The following DIP2B variants were observed in gnomAD, a reference collection of about 807,000 sequenced individuals.
DIP2B encodes the protein DIP2 acetate--CoA ligase B (putative).
DIP2B carries 76 observed loss-of-function variants against 198.0 expected under a neutral mutation model. The observed-to-expected ratio is 0.38, with a 90% CI of 0.32 to 0.46. DIP2B has a LOEUF of 0.46. Among genes scored for constraint, DIP2B ranks in the 20% least tolerant of loss-of-function variants. The pLI is 0.99. For synonymous variants in DIP2B, 701 were observed against 739.1 expected (o/e 0.95, Z 0.84); for missense variants, 1,559 against 1,978.4 (o/e 0.79, Z 4.02).
chr12:50,723,740 C>T (rs776176573), intron 27 of DIP2B, among the ~76,000 whole-genome samples: 7 of 151,146 alleles, frequency 4.6e-5, no homozygotes, highest in African/African-American at 1.7e-4. Context: ...CAGACCCTGT[C>T]GCCAAAAGAA....
intron 1 of DIP2B, among the ~76,000 whole-genome samples, chr12:50,520,728 A>G (rs779122260): frequency 3.3e-5 from 5 of 152,242 alleles, no homozygotes; most frequent in Non-Finnish European, 5.9e-5. Flanking sequence ...TTGCATAAAT[A>G]TTCTCATCTC....
chr12:50,731,428 T>C lies in DIP2B; in HGVS notation c.3701T>C (p.Phe1234Ser). Reference sequence around the variant, plus strand: ...CCTATGGAGTTAGAGAACAACCTTTTCCTCTGGCTCTCCACAGTCAACCAG... The same window carrying C: ...CCTATGGAGTTAGAGAACAACCTTTCCCTCTGGCTCTCCACAGTCAACCAG... ...IPPMELENNL[F>S]LWLSTVNQYK... The change falls in exon 31 of 38, where the codon TTC becomes TCC. Residue 1234 changes from phenylalanine to serine, a missense_variant. Coordinates refer to ENST00000301180, the MANE Select transcript of DIP2B (RefSeq NM_173602.3). The C allele has an allele frequency of 6.2e-7, 1 of 1,614,154 alleles. No individual in the cohort carries two copies. The highest frequency in any genetic ancestry group is 8.5e-7 in the Non-Finnish European group (1 of 1,180,018).
chr12:50,677,318 C>T (rs1321686152), intron 7 of DIP2B, among the ~76,000 whole-genome samples: 1 of 152,108 alleles, frequency 6.6e-6, no homozygotes, highest in Non-Finnish European at 1.5e-5. Context: ...ATTATCTTTC[C>T]TGCTATGAAA....
At chr12:50,557,513 C>T (rs1347491801) in intron 1 of DIP2B, among the ~76,000 whole-genome samples, 1 of 152,184 alleles carries the variant, frequency 6.6e-6, no homozygotes, top group African/African-American at 2.4e-5. Flanking sequence ...CACTAATGTT[C>T]TCACAACAGT....
At chr12:50,673,439 G>A (rs1412119120) in intron 5 of DIP2B, among the ~76,000 whole-genome samples, 4 of 152,134 alleles carry the variant, frequency 2.6e-5, no homozygotes, top group Admixed American at 6.5e-5. Flanking sequence ...TTGTCGTTAC[G>A]TGTCCCTGTT....
intron 2 of DIP2B, among the ~76,000 whole-genome samples, chr12:50,627,257 A>C (rs1937952983): frequency 6.6e-6 from 1 of 152,252 alleles, no homozygotes; most frequent in African/African-American, 2.4e-5. Flanking sequence ...AACTGTAAAA[A>C]GGACCACAGT....
chr12:50,614,965 C>T (rs1413617086), intron 1 of DIP2B, among the ~76,000 whole-genome samples: 2 of 152,092 alleles, frequency 1.3e-5, no homozygotes, highest in African/African-American at 4.8e-5. Flanking sequence ...TTTTTTGCGC[C>T]TGCCAAAGGA....
intron 1 of DIP2B, among the ~76,000 whole-genome samples, chr12:50,522,868 A>G (rs1034864815): frequency 6.6e-6 from 1 of 152,194 alleles, no homozygotes; most frequent in Non-Finnish European, 1.5e-5. Context: ...GATAGGTGGT[A>G]AGTAAAAGCA....
intron 1 of DIP2B, among the ~76,000 whole-genome samples, chr12:50,541,242 A>G (rs1958322496): frequency 6.6e-6 from 1 of 152,150 alleles, no homozygotes; most frequent in South Asian, 2.1e-4. Flanking sequence ...AAGTTCTTCC[A>G]GTCTTGAATT....
intron 1 of DIP2B, among the ~76,000 whole-genome samples, chr12:50,536,778 AG>A (rs1430204569): frequency 6.6e-6 from 1 of 151,986 alleles, no homozygotes; most frequent in Non-Finnish European, 1.5e-5. Flanking sequence ...CAAGTTGACC[AG>A]GCTGGTCTCG....
chr12:50,544,838 C>T (rs938951672), intron 1 of DIP2B, among the ~76,000 whole-genome samples: 3 of 151,826 alleles, frequency 2.0e-5, no homozygotes, highest in Non-Finnish European at 4.4e-5. Flanking sequence ...AGGCTGATCT[C>T]GAACTCCTGA....
At chr12:50,581,011 G>T (rs916376132) in intron 1 of DIP2B, among the ~76,000 whole-genome samples, 1 of 149,126 alleles carries the variant, frequency 6.7e-6, no homozygotes, top group Non-Finnish European at 1.5e-5. Context: ...GTTTTACTTT[G>T]TATATTAACT....
At chr12:50,687,919 AAAG>A (rs1481315996) in intron 12 of DIP2B, among the ~76,000 whole-genome samples, 1 of 151,968 alleles carries the variant, frequency 6.6e-6, no homozygotes, top group Non-Finnish European at 1.5e-5. Flanking sequence ...AAAAAATAGA[AAAG>A]AGAGGCTGGG....
At chr12:50,562,135 G>T (rs1190764796) in intron 1 of DIP2B, among the ~76,000 whole-genome samples, 2 of 152,170 alleles carry the variant, frequency 1.3e-5, no homozygotes, top group Non-Finnish European at 2.9e-5. Context: ...GACCTTGACT[G>T]CCAGGAGCAG....
chr12:50,519,674 C>T (rs1035090014), intron 1 of DIP2B, among the ~76,000 whole-genome samples: 3 of 152,154 alleles, frequency 2.0e-5, no homozygotes, highest in Non-Finnish European at 2.9e-5. Context: ...CTGGGTTGTA[C>T]TTACATGGTG....
chr12:50,511,299 T>A (rs1263744300), intron 1 of DIP2B, among the ~76,000 whole-genome samples: 1 of 118,368 alleles, frequency 8.4e-6, no homozygotes, highest in African/African-American at 3.3e-5. Context: ...CTATTTTTTT[T>A]TTTTTTTTTT....
intron 4 of DIP2B, among the ~76,000 whole-genome samples, chr12:50,663,714 TAA>T (rs973606366): frequency 1.3e-5 from 2 of 150,050 alleles, no homozygotes; most frequent in Non-Finnish European, 3.0e-5. Context: ...TACAAAAAAT[TAA>T]AAAGTTAGCT....
intron 1 of DIP2B, among the ~76,000 whole-genome samples, chr12:50,574,342 C>A (rs191116413): frequency 3.3e-5 from 5 of 152,254 alleles, no homozygotes; most frequent in African/African-American, 1.2e-4. Context: ...AAACTATTAG[C>A]AGATGAGGGC....
chr12:50,668,968 T>C (rs1938802947), intron 4 of DIP2B, among the ~76,000 whole-genome samples: 1 of 151,134 alleles, frequency 6.6e-6, no homozygotes, highest in Non-Finnish European at 1.5e-5. Context: ...TTTTGCATGA[T>C]AGATCTCATT....
Sources: allele counts gnomAD v4.1 joint callset (sites outside exome capture counted in the v4.1 genomes callset), GRCh38; gene constraint gnomAD v4.1.1; transcripts MANE v1.5; gene names NCBI Gene and HGNC (gene_info 2026-07-23, HGNC 2026-07-21).